BLTP3B: variants seen among roughly 807,000 people sequenced by gnomAD.
The protein encoded by BLTP3B is bridge-like lipid transfer protein family member 3B, also known as UHRF1 (ICBP90) binding protein 1-like.
chr12:100,088,291 C>G, the BLTP3B span, among the ~76,000 whole-genome samples: 1 of 152,174 alleles, frequency 6.6e-6, no homozygotes, highest in Non-Finnish European at 1.5e-5. Context: ...CCCAACACTT[C>G]TGGGCCAGGG....
chr12:100,102,452 G>A, the BLTP3B span, among the ~76,000 whole-genome samples: 2 of 152,048 alleles, frequency 1.3e-5, no homozygotes, highest in Non-Finnish European at 1.5e-5. Flanking sequence ...TTCCACTGAT[G>A]CACAGAAAAT....
At chr12:100,040,136 AAGAAATTACT>A in the BLTP3B span, among the ~76,000 whole-genome samples, 2 of 152,218 alleles carry the variant, frequency 1.3e-5, no homozygotes, top group Non-Finnish European at 2.9e-5. Context: ...GACCAAGAAA[AAGAAATTACT>A]AGAATCAGAA....
the BLTP3B span, chr12:100,059,329 A>C: frequency 6.2e-7 from 1 of 1,614,096 alleles, no homozygotes; most frequent in South Asian, 1.1e-5. Context: ...AGAAGATTAA[A>C]ATTGTCACAA....
chr12:100,050,829 A>T, the BLTP3B span, among the ~76,000 whole-genome samples: 10 of 152,174 alleles, frequency 6.6e-5, no homozygotes, highest in East Asian at 1.7e-3. Flanking sequence ...ATAAAAATAA[A>T]AATACAAAAA....
the BLTP3B span, chr12:100,051,203 G>A: frequency 1.2e-6 from 2 of 1,605,080 alleles, no homozygotes; most frequent in Non-Finnish European, 1.7e-6. Context: ...GTAATTTGTA[G>A]TTGAGTTCTT....
chr12:100,136,754 T>C, the BLTP3B span, among the ~76,000 whole-genome samples: 1 of 152,198 alleles, frequency 6.6e-6, no homozygotes, highest in Non-Finnish European at 1.5e-5. Context: ...ACCTTAACTT[T>C]TCTTCAGCAA....
chr12:100,045,975 A>G, the BLTP3B span, among the ~76,000 whole-genome samples: 3 of 152,242 alleles, frequency 2.0e-5, no homozygotes, highest in Non-Finnish European at 2.9e-5. Context: ...ATATGAAAAA[A>G]TGCACATCAT....
chr12:100,068,993 T>A, the BLTP3B span, among the ~76,000 whole-genome samples: 5 of 152,126 alleles, frequency 3.3e-5, no homozygotes. Context: ...ATCCCAGCAC[T>A]TTAGGAGGCT....
chr12:100,047,252 C>T, the BLTP3B span, among the ~76,000 whole-genome samples: 2 of 152,130 alleles, frequency 1.3e-5, no homozygotes, highest in Non-Finnish European at 2.9e-5. Flanking sequence ...AATCCCAGCA[C>T]TTTAGGAGGC....
At chr12:100,129,330 T>C in the BLTP3B span, among the ~76,000 whole-genome samples, 1 of 152,234 alleles carries the variant, frequency 6.6e-6, no homozygotes, top group Non-Finnish European at 1.5e-5. Context: ...ATGATTCAAC[T>C]AGTTAAACCT....
the BLTP3B span, chr12:100,058,226 C>A: frequency 6.2e-7 from 1 of 1,612,406 alleles, no homozygotes; most frequent in South Asian, 1.1e-5. Context: ...AAAGTATATT[C>A]GAATCTTCTC....
the BLTP3B span, among the ~76,000 whole-genome samples, chr12:100,075,302 G>A: frequency 6.6e-6 from 1 of 151,980 alleles, no homozygotes; most frequent in Non-Finnish European, 1.5e-5. Context: ...GAGCCACCAC[G>A]CCCGGCTACA....
chr12:100,131,114 T>C, the BLTP3B span, among the ~76,000 whole-genome samples: 2 of 151,314 alleles, frequency 1.3e-5, no homozygotes, highest in Middle Eastern at 3.4e-3. Flanking sequence ...AGTTTGAGGT[T>C]AGCCTGGGCA....
chr12:100,065,393 C>T, the BLTP3B span, among the ~76,000 whole-genome samples: 6,125 of 151,982 alleles, frequency 0.04, 248 homozygotes, highest in African/African-American at 0.11. Context: ...CAGAACAGAG[C>T]CATATTTTGC....
At chr12:100,140,861 T>G in the BLTP3B span, among the ~76,000 whole-genome samples, 1 of 150,872 alleles carries the variant, frequency 6.6e-6, no homozygotes, top group Non-Finnish European at 1.5e-5. Context: ...TTTATTATAC[T>G]TTGGTATGCA....
At chr12:100,075,762 T>C in the BLTP3B span, among the ~76,000 whole-genome samples, 1 of 152,174 alleles carries the variant, frequency 6.6e-6, no homozygotes, top group East Asian at 1.9e-4. Flanking sequence ...TCATTAATCA[T>C]CAGAGAAATG....
At chr12:100,115,918 T>C in the BLTP3B span, among the ~76,000 whole-genome samples, 3 of 152,178 alleles carry the variant, frequency 2.0e-5, no homozygotes, top group Admixed American at 2.0e-4. Flanking sequence ...GGCTCACGCC[T>C]GTAATCCCAG....
At chr12:100,139,938 A>C in the BLTP3B span, among the ~76,000 whole-genome samples, 1 of 152,210 alleles carries the variant, frequency 6.6e-6, no homozygotes, top group Admixed American at 6.5e-5. Context: ...ACCTTTGAGA[A>C]GGTGCAATGG....
At chr12:100,136,779 C>T in the BLTP3B span, among the ~76,000 whole-genome samples, 2 of 150,416 alleles carry the variant, frequency 1.3e-5, no homozygotes, top group African/African-American at 4.9e-5. Context: ...CTTCTATGGC[C>T]ATATCAGATA....
Sources: gnomAD v4.1 joint callset for allele counts (sites outside exome capture counted in the v4.1 genomes callset) on GRCh38, gnomAD v4.1.1 for gene constraint, MANE v1.5 for transcripts, NCBI Gene and HGNC (gene_info 2026-07-23, HGNC 2026-07-21) for gene names.